The following MAF variants were observed in gnomAD, a reference collection of about 807,000 sequenced individuals.
MAF encodes the protein MAF bZIP transcription factor.
A neutral mutation model predicts 22.0 loss-of-function variants in MAF; 10 were observed. That is an observed-to-expected ratio of 0.45 (90% CI 0.28 to 0.77). The LOEUF is 0.77. Among genes scored for constraint, MAF ranks in the 30% least tolerant of loss-of-function variants. MAF has a pLI of 0.12. For synonymous variants in MAF, 337 were observed against 255.8 expected (o/e 1.32, Z -3.03); for missense variants, 544 against 548.4 (o/e 0.99, Z 0.08).
At chr16:79,521,692 CTT>C in the MAF span, among the ~76,000 whole-genome samples, 28 of 152,264 alleles carry the variant, frequency 1.8e-4, no homozygotes, top group Admixed American at 4.6e-4. Context: ...CTCCCACTTG[CTT>C]TTGTCTCCGA....
At chr16:79,459,657 C>T in the MAF span, among the ~76,000 whole-genome samples, 5 of 151,762 alleles carry the variant, frequency 3.3e-5, no homozygotes, top group South Asian at 2.1e-4. Flanking sequence ...ATTGCAGCCT[C>T]GACTTCCTGG....
chr16:79,470,120 C>T, the MAF span, among the ~76,000 whole-genome samples: 2 of 152,368 alleles, frequency 1.3e-5, no homozygotes, highest in South Asian at 2.1e-4. Flanking sequence ...AAGACCAACA[C>T]TGGCATTTTT....
chr16:79,517,568 CTTTTT>C, the MAF span, among the ~76,000 whole-genome samples: 3,537 of 99,382 alleles, frequency 0.036, 71 homozygotes, highest in African/African-American at 0.11. Flanking sequence ...ACTGTTTAGT[CTTTTT>C]TTTTTTTTTT....
chr16:79,468,324 G>C, the MAF span, among the ~76,000 whole-genome samples: 1 of 152,160 alleles, frequency 6.6e-6, no homozygotes, highest in Non-Finnish European at 1.5e-5. Flanking sequence ...GACGGCACTG[G>C]GGGGATGCCC....
At chr16:79,366,010 T>C in the MAF span, among the ~76,000 whole-genome samples, 1 of 152,232 alleles carries the variant, frequency 6.6e-6, no homozygotes, top group South Asian at 2.1e-4. Flanking sequence ...TGCAAGCACA[T>C]GTTTAATTTT....
chr16:79,334,794 G>C, the MAF span, among the ~76,000 whole-genome samples: 1 of 151,900 alleles, frequency 6.6e-6, no homozygotes, highest in Non-Finnish European at 1.5e-5. Flanking sequence ...AGGATCAGTA[G>C]TGAGTTTCCA....
the MAF span, chr16:79,516,170 G>A: frequency 0.58 from 88,548 of 151,906 alleles, 30,296 homozygotes; most frequent in East Asian, 0.76. Flanking sequence ...TAAGACCCTC[G>A]AACAGGTCCA....
the MAF span, among the ~76,000 whole-genome samples, chr16:79,491,993 C>G: frequency 1.3e-5 from 2 of 152,108 alleles, no homozygotes; most frequent in African/African-American, 2.4e-5. Flanking sequence ...TGAGAAGACC[C>G]CAGTCCAAGC....
At chr16:79,379,369 C>T in the MAF span, among the ~76,000 whole-genome samples, 97 of 152,252 alleles carry the variant, frequency 6.4e-4, no homozygotes, top group South Asian at 3.1e-3. Flanking sequence ...GTCTACTTTG[C>T]AGTTGAGTTT....
At chr16:79,354,316 A>G in the MAF span, among the ~76,000 whole-genome samples, 1 of 152,062 alleles carries the variant, frequency 6.6e-6, no homozygotes, top group Non-Finnish European at 1.5e-5. Flanking sequence ...GATTCAGTGG[A>G]AGGTCAGGGA....
At chr16:79,256,603 G>A in the MAF span, among the ~76,000 whole-genome samples, 39 of 152,242 alleles carry the variant, frequency 2.6e-4, no homozygotes, top group South Asian at 7.7e-3. Context: ...TCCCCAGCAT[G>A]AGGTTTTAAC....
At chr16:79,368,395 T>C in the MAF span, among the ~76,000 whole-genome samples, 5 of 152,138 alleles carry the variant, frequency 3.3e-5, no homozygotes, top group East Asian at 7.7e-4. Context: ...AGGCCTTTTC[T>C]AGAGCTCATG....
chr16:79,501,297 A>G, the MAF span, among the ~76,000 whole-genome samples: 2 of 152,228 alleles, frequency 1.3e-5, no homozygotes, highest in African/African-American at 4.8e-5. Flanking sequence ...TCCTCTTCTT[A>G]TAAGGGCACC....
rs777921473 is a variant in MAF at position 79,599,930 on chromosome 16, G to T, written c.-28C>A. On this transcript the variant is annotated 5_prime_UTR_variant, in exon 1 of 2. Coordinates refer to ENST00000326043, the MANE Select transcript of MAF (RefSeq NM_005360.5). ...TCCTGCCGCCGCCGCCGCCGCCGCC[G>T]CCGCTCCGCCAGATGGGCTGCAGGA... 2 of 1,597,198 alleles carry T rather than the reference G, an allele frequency of 1.3e-6. No individual in the cohort carries two copies. Among genetic ancestry groups the T allele is most frequent in the Admixed American group, 1.7e-5 (1 of 59,942 alleles).
At chr16:79,534,024 A>C in the MAF span, among the ~76,000 whole-genome samples, 4 of 152,270 alleles carry the variant, frequency 2.6e-5, no homozygotes, top group Admixed American at 6.5e-5. Flanking sequence ...CCATACTACA[A>C]GCTCATCTTA....
chr16:79,481,576 C>T, the MAF span, among the ~76,000 whole-genome samples: 1 of 152,216 alleles, frequency 6.6e-6, no homozygotes, highest in African/African-American at 2.4e-5. Flanking sequence ...ATCTACCCAT[C>T]AATCTATTCG....
chr16:79,476,638 A>G, the MAF span, among the ~76,000 whole-genome samples: 3 of 152,166 alleles, frequency 2.0e-5, no homozygotes, highest in East Asian at 5.8e-4. Context: ...ATTCACTCCT[A>G]AGAAAGTTGT....
At chr16:79,373,413 C>G in the MAF span, among the ~76,000 whole-genome samples, 1 of 101,474 alleles carries the variant, frequency 9.9e-6, no homozygotes, top group Non-Finnish European at 1.8e-5. Context: ...GACACAGTCT[C>G]GCTCTGTCTC....
chr16:79,598,581 GGTGTGTGTGTGTGTGTGTGTGTGT>G, intron 1 of MAF, 180 bp downstream of exon 1: 1 of 1,409,632 alleles, frequency 7.1e-7, no homozygotes, highest in African/African-American at 1.5e-5. Flanking sequence ...CAGGGTGTGG[GGTGTGTGTGTGTGTGTGTGTGTGT>G]GTGTGGTGTG....
Sources: gnomAD v4.1 joint callset for allele counts (sites outside exome capture counted in the v4.1 genomes callset) on GRCh38, gnomAD v4.1.1 for gene constraint, MANE v1.5 for transcripts, NCBI Gene and HGNC (gene_info 2026-07-23, HGNC 2026-07-21) for gene names.